Variants in BCAS3 observed in about 807,000 individuals in gnomAD.
The protein encoded by BCAS3 is BCAS3 microtubule associated cell migration factor, also known as BCAS4/BCAS3 fusion.
A neutral mutation model predicts 116.1 loss-of-function variants in BCAS3; 53 were observed. The ratio of observed to expected loss-of-function variants is 0.46; its 90% CI spans 0.37 to 0.57. The LOEUF is 0.57. Ranked by LOEUF, BCAS3 falls within the 20% of genes least tolerant of loss-of-function variation. The pLI is 0.00. For missense variants in BCAS3, 917 were observed against 1,165.4 expected, an observed-to-expected ratio of 0.79 and a Z score of 3.10; for synonymous variants, 391 against 408.2, an observed-to-expected ratio of 0.96 and a Z score of 0.51.
intron 6 of BCAS3, among the ~76,000 whole-genome samples, chr17:60,761,565 A>T (rs1203245990): frequency 6.6e-6 from 1 of 152,162 alleles, no homozygotes; most frequent in Non-Finnish European, 1.5e-5. Context: ...ATACTATTCC[A>T]TGGTGTATAT....
Position 60,796,962 on chromosome 17 carries a change from G to A in BCAS3, c.404-11042G>A, listed in dbSNP as rs150358361. Among the ~76,000 whole-genome samples, 96 of 152,266 alleles carry A rather than the reference G, an allele frequency of 6.3e-4. 2 individuals carry two copies. The East Asian group carries it at 0.018, about 28-fold the overall frequency. On this transcript the variant is annotated intron_variant, in intron 6 of 23. Coordinates refer to ENST00000407086, the MANE Select transcript of BCAS3 (RefSeq NM_017679.5). ...GCTCTGTTTCCCATGCTGGAGTGCT[G>A]TGGCGTGATCTCGGCTCACTGCAAC...
chr17:61,081,476 G>GT (rs1420688840), intron 21 of BCAS3, among the ~76,000 whole-genome samples: 1 of 152,004 alleles, frequency 6.6e-6, no homozygotes, highest in East Asian at 1.9e-4. Context: ...CCCAAATTTT[G>GT]TTTAAATCTA....
intron 12 of BCAS3, among the ~76,000 whole-genome samples, chr17:60,916,987 A>G (rs1001373307): frequency 5.3e-5 from 8 of 152,230 alleles, no homozygotes; most frequent in Non-Finnish European, 1.0e-4. Flanking sequence ...TTCACTTTGT[A>G]AAAGAGTTTC....
At chr17:60,892,949 G>T (rs762779736) in intron 10 of BCAS3, among the ~76,000 whole-genome samples, 2 of 151,778 alleles carry the variant, frequency 1.3e-5, no homozygotes, top group Non-Finnish European at 2.9e-5. Context: ...ATAAAAAGTC[G>T]TTTTCACTGG....
intron 13 of BCAS3, among the ~76,000 whole-genome samples, chr17:60,938,457 CTT>C (rs1357030497): frequency 6.6e-6 from 1 of 152,074 alleles, no homozygotes; most frequent in African/African-American, 2.4e-5. Context: ...ACTGCGGTAT[CTT>C]TTGGTGGAAA....
chr17:61,014,494 G>T (rs113556294), intron 15 of BCAS3, among the ~76,000 whole-genome samples: 1 of 151,882 alleles, frequency 6.6e-6, no homozygotes, highest in Non-Finnish European at 1.5e-5. Flanking sequence ...TTTAGCAAAT[G>T]GTGATGGAAC....
At chr17:61,067,405 T>A (rs921289777) in intron 19 of BCAS3, among the ~76,000 whole-genome samples, 3 of 148,828 alleles carry the variant, frequency 2.0e-5, no homozygotes, top group African/African-American at 7.4e-5. Context: ...TTGTTTGCTT[T>A]ACACATACTC....
chr17:61,317,511 A>G (rs952051078), intron 22 of BCAS3, among the ~76,000 whole-genome samples: 1 of 152,188 alleles, frequency 6.6e-6, no homozygotes, highest in Non-Finnish European at 1.5e-5. Flanking sequence ...GACCAGGAAA[A>G]TGCAGCTCAT....
intron 22 of BCAS3, among the ~76,000 whole-genome samples, chr17:61,314,307 C>G (rs1163470043): frequency 1.3e-5 from 2 of 152,238 alleles, no homozygotes; most frequent in Non-Finnish European, 2.9e-5. Flanking sequence ...CTCGGTCCTT[C>G]TCCTCTTTTA....
chr17:60,708,130 C>T (rs2037403359), intron 4 of BCAS3, among the ~76,000 whole-genome samples: 1 of 151,962 alleles, frequency 6.6e-6, no homozygotes. Flanking sequence ...TTGAGACCAG[C>T]CTGGCAACAT....
chr17:60,740,594 G>A (rs899709705), intron 5 of BCAS3, among the ~76,000 whole-genome samples: 9 of 152,050 alleles, frequency 5.9e-5, no homozygotes, highest in African/African-American at 1.7e-4. Flanking sequence ...ATTGAGTGGC[G>A]GTGTGTGGGG....
At chr17:60,858,035 T>C (rs1487966127) in intron 7 of BCAS3, among the ~76,000 whole-genome samples, 1 of 152,118 alleles carries the variant, frequency 6.6e-6, no homozygotes, top group Non-Finnish European at 1.5e-5. Context: ...GAGCTCCTAA[T>C]TGAAGGCGAC....
At position 61,216,457 on chromosome 17, in the gene BCAS3, C is replaced by T. The variant is rs563948941; in HGVS notation, c.2425+131893C>T. On this transcript the variant is annotated intron_variant, in intron 22 of 23. Coordinates refer to ENST00000407086, the MANE Select transcript of BCAS3 (RefSeq NM_017679.5). ...CTCAAATCGACATATCAAATTGAAA[C>T]GTGTAGGATTATAGTATGTATCATT... is the stretch of plus-strand genomic sequence containing the variant. Among the ~76,000 whole-genome samples, 452 of 152,170 alleles carry T rather than the reference C, an allele frequency of 3.0e-3. 3 individuals carry two copies. The highest frequency in any genetic ancestry group is 0.01 in the African/African-American group (424 of 41,514).
At chr17:61,246,788 T>TGA (rs1285528797) in intron 22 of BCAS3, among the ~76,000 whole-genome samples, 5 of 122,264 alleles carry the variant, frequency 4.1e-5, no homozygotes, top group South Asian at 3.1e-4. Flanking sequence ...TGCCTTTGAG[T>TGA]GAGAGTGTGT....
rs766502815 is a variant in BCAS3 at position 60,679,521 on chromosome 17, G to C, written c.64G>C (p.Val22Leu). ...CAGTCGTTGTACTGGTGGAGTTGTGGTTCGCCCCCAGGCTGTCACGTAAGC... is the reference window on the plus strand; with the variant it reads ...CAGTCGTTGTACTGGTGGAGTTGTGCTTCGCCCCCAGGCTGTCACGTAAGC... ...RPSRCTGGVV[V>L]RPQAVTEQSY... Residue 22 changes from valine (V) to leucine (L), a missense_variant, in exon 2 of 24, where the codon GTT (valine) becomes CTT (leucine). Val to Leu is a conservative substitution (Grantham distance 32, BLOSUM62 1). Coordinates refer to ENST00000407086, the MANE Select transcript of BCAS3 (RefSeq NM_017679.5). The C allele has an allele frequency of 1.2e-6, 2 of 1,613,492 alleles. No individual in the cohort carries two copies. Among genetic ancestry groups the C allele is most frequent in the African/African-American group, 1.3e-5 (1 of 74,908 alleles).
chr17:61,338,885 T>C (rs1366696505), intron 22 of BCAS3, among the ~76,000 whole-genome samples: 3 of 74,300 alleles, frequency 4.0e-5, no homozygotes, highest in East Asian at 6.9e-4. Context: ...GTGCCCTTAC[T>C]GGGAAAAAAA....
At position 61,387,875 on chromosome 17, in the gene BCAS3, C is replaced by T. The variant is rs564237698; in HGVS notation, c.2594-4102C>T. ...GCTCCCACCACCCAGGGGACCACATCCCTGGAGAGTGCAAGGTCACAATGA... is the reference window on the plus strand; with the variant it reads ...GCTCCCACCACCCAGGGGACCACATTCCTGGAGAGTGCAAGGTCACAATGA... On this transcript the variant is annotated intron_variant, in intron 23 of 23. Transcript: ENST00000407086. The surrounding 1 kb of genome is among the most constrained non-coding windows in gnomAD (Gnocchi z 6.2). Among the ~76,000 whole-genome samples the T allele has an allele frequency of 6.6e-6, 1 of 152,286 alleles. No individual in the cohort carries two copies. Among genetic ancestry groups the T allele is most frequent in the East Asian group, 1.9e-4 (1 of 5,180 alleles).
chr17:60,824,312 T>C (rs2050199758), intron 7 of BCAS3, among the ~76,000 whole-genome samples: 1 of 152,212 alleles, frequency 6.6e-6, no homozygotes, highest in South Asian at 2.1e-4. Context: ...TTTTATTATC[T>C]TTTATGATGA....
chr17:61,086,139 A>C (rs975103103), intron 22 of BCAS3, among the ~76,000 whole-genome samples: 1 of 152,116 alleles, frequency 6.6e-6, no homozygotes, highest in African/African-American at 2.4e-5. Context: ...CCCATGCTGG[A>C]GTGCAGTGGC....
Sources: gnomAD v4.1 joint callset for allele counts (sites outside exome capture counted in the v4.1 genomes callset) on GRCh38, gnomAD v4.1.1 for gene constraint, Gnocchi (gnomAD v3.1) non-coding constraint, MANE v1.5 for transcripts, NCBI Gene and HGNC (gene_info 2026-07-23, HGNC 2026-07-21) for gene names.